Variants in GPC3 observed in about 807,000 individuals in gnomAD.
GPC3 encodes the protein glypican 3.
A neutral mutation model predicts 34.4 loss-of-function variants in GPC3; 3 were observed. That is an observed-to-expected ratio of 0.09 (90% CI 0.04 to 0.23). The LOEUF (loss-of-function observed/expected upper bound fraction) is 0.23. Ranked by LOEUF, GPC3 falls within the 10% of genes least tolerant of loss-of-function variation. The pLI is 1.00. For synonymous variants in GPC3, 177 were observed against 174.0 expected (o/e 1.02, Z -0.13); for missense variants, 351 against 445.6 (o/e 0.79, Z 1.91).
intron 7 of GPC3, among the ~76,000 whole-genome samples, chrX:133,547,011 T>C (rs990805659): frequency 2.7e-5 from 3 of 111,575 alleles, no homozygotes; most frequent in Non-Finnish European, 3.8e-5. Context: ...TGAGATCCTA[T>C]CATTTGCAAC....
At chrX:133,643,845 T>TTTTTTTTTTTTTTA (rs2070511114) in intron 6 of GPC3, among the ~76,000 whole-genome samples, 2 of 108,928 alleles carry the variant, frequency 1.8e-5, no homozygotes, top group African/African-American at 6.8e-5. Flanking sequence ...TTTTTTTTTT[T>TTTTTTTTTTTTTTA]GAGACGGGGT....
chrX:133,681,274 A>T (rs1402547197), intron 5 of GPC3, among the ~76,000 whole-genome samples: 1 of 111,779 alleles, frequency 8.9e-6, no homozygotes, highest in Non-Finnish European at 1.9e-5. Context: ...ATCAGAGAAG[A>T]AAAGGAGCTA....
intron 4 of GPC3, among the ~76,000 whole-genome samples, chrX:133,699,319 C>A (rs779717920): frequency 1.7e-4 from 19 of 111,869 alleles, no homozygotes; most frequent in African/African-American, 5.8e-4. Flanking sequence ...AATTTCTACC[C>A]CTTTATTGTA....
rs759612192 is a variant in GPC3 at position 133,663,283 on chromosome X, C to CA, written c.1293-1434dup. 2.6e-4 allele frequency among the ~76,000 whole-genome samples: 29 copies of CA among 111,729 alleles called. No individual in the cohort carries two copies. The East Asian group carries it at 7.0e-3, about 27-fold the overall frequency. On this transcript the variant is annotated intron_variant, in intron 5 of 7. Transcript: ENST00000370818. ...TGAAACCCCATCTCTACAAAAAATA[C>CA]AAAAAATTAGCTGGGCGTTTTAGTA...
At chrX:133,681,035 G>T (rs1348211499) in intron 5 of GPC3, among the ~76,000 whole-genome samples, 2 of 111,545 alleles carry the variant, frequency 1.8e-5, no homozygotes, top group African/African-American at 6.5e-5. Flanking sequence ...GTTAAGAATG[G>T]GTTATTGAAG....
At chrX:133,625,858 A>C (rs1448324570) in intron 6 of GPC3, among the ~76,000 whole-genome samples, 1 of 112,424 alleles carries the variant, frequency 8.9e-6, no homozygotes, top group Non-Finnish European at 1.9e-5. Context: ...CATTGCCAAG[A>C]CAATCCTAAG....
intron 7 of GPC3, among the ~76,000 whole-genome samples, chrX:133,552,339 A>T (rs1210936066): frequency 8.9e-6 from 1 of 112,226 alleles, no homozygotes; most frequent in African/African-American, 3.2e-5. Context: ...ACTGGAGAGA[A>T]ATCTAAAGAG....
At chrX:133,685,568 G>GTATA (rs750141595) in intron 5 of GPC3, among the ~76,000 whole-genome samples, 2 of 107,266 alleles carry the variant, frequency 1.9e-5, no homozygotes, top group African/African-American at 3.4e-5. Context: ...GTGTGTGTGT[G>GTATA]TATATATATA....
chrX:133,670,882 C>A, intron 5 of GPC3: 1 of 310,530 alleles, frequency 3.2e-6, no homozygotes, highest in Non-Finnish European at 5.7e-6. Context: ...TTAATAAAGA[C>A]AGAAACAATT....
chrX:133,892,834 A>G (rs2076094151), intron 2 of GPC3, among the ~76,000 whole-genome samples: 1 of 111,579 alleles, frequency 9.0e-6, no homozygotes, highest in Non-Finnish European at 1.9e-5. Flanking sequence ...AGGTTAGGTT[A>G]AGTAAAAGCC....
intron 2 of GPC3, among the ~76,000 whole-genome samples, chrX:133,901,613 G>A (rs779547271): frequency 5.5e-5 from 6 of 109,746 alleles, no homozygotes; most frequent in Non-Finnish European, 9.5e-5. Flanking sequence ...GTAAATTTTT[G>A]TATTTTTAGT....
intron 2 of GPC3, among the ~76,000 whole-genome samples, chrX:133,903,590 A>AAAAC (rs544091440): frequency 2.0e-3 from 219 of 112,259 alleles, no homozygotes; most frequent in South Asian, 4.8e-3. Flanking sequence ...ACTCTGTCTG[A>AAAAC]AAACAAACAA....
chrX:133,538,970 C>T (rs1358516846), intron 7 of GPC3, among the ~76,000 whole-genome samples: 1 of 104,170 alleles, frequency 9.6e-6, no homozygotes, highest in East Asian at 3.1e-4. Context: ...ATCTGACCAC[C>T]TCGGCCTCCC....
chrX:133,582,837 C>T (rs1253812991), intron 7 of GPC3, among the ~76,000 whole-genome samples: 1 of 110,782 alleles, frequency 9.0e-6, no homozygotes, highest in Non-Finnish European at 1.9e-5. Flanking sequence ...AACTGGACAA[C>T]CTTAATATTG....
At chrX:133,973,072 T>A (rs1054542956) in intron 1 of GPC3, among the ~76,000 whole-genome samples, 4 of 110,836 alleles carry the variant, frequency 3.6e-5, no homozygotes, top group Non-Finnish European at 7.5e-5. Context: ...GACACTTACA[T>A]CCAAAGTGTA....
intron 2 of GPC3, among the ~76,000 whole-genome samples, chrX:133,796,757 G>C (rs373732733): frequency 6.3e-5 from 7 of 111,575 alleles, no homozygotes; most frequent in African/African-American, 2.3e-4. Flanking sequence ...TAGTCTCCTA[G>C]AAATCATAGA....
chrX:133,661,654 C>A, intron 6 of GPC3, 76 bp downstream of exon 6: 1 of 81,214 alleles, frequency 1.2e-5, no homozygotes, highest in African/African-American at 7.7e-5. Flanking sequence ...TCTCTCTCCC[C>A]CTCTCTCTCT....
intron 3 of GPC3, among the ~76,000 whole-genome samples, chrX:133,735,530 C>A (rs979846176): frequency 1.8e-5 from 2 of 111,615 alleles, no homozygotes; most frequent in African/African-American, 6.5e-5. Flanking sequence ...AGGTATAAAT[C>A]TTTATGCCCT....
At chrX:133,942,387 AAT>A (rs779090834) in intron 2 of GPC3, among the ~76,000 whole-genome samples, 30 of 111,961 alleles carry the variant, frequency 2.7e-4, no homozygotes, top group African/African-American at 9.7e-4. Context: ...CATTTCCAAC[AAT>A]AGAGAGGGTT....
Sources: allele counts gnomAD v4.1 joint callset (sites outside exome capture counted in the v4.1 genomes callset), GRCh38; gene constraint gnomAD v4.1.1; transcripts MANE v1.5; gene names NCBI Gene and HGNC (gene_info 2026-07-23, HGNC 2026-07-21).